The following ITPRID2 variants were observed in gnomAD, a reference collection of about 807,000 sequenced individuals.
ITPRID2 encodes the protein ITPR interacting domain containing 2, also known as protein ITPRID2.
Under a neutral mutation model 124.3 loss-of-function variants are expected in ITPRID2, and 60 were observed. The ratio of observed to expected loss-of-function variants is 0.48; its 90% CI spans 0.39 to 0.60. The LOEUF (loss-of-function observed/expected upper bound fraction) is 0.60. Ranked by LOEUF, ITPRID2 falls within the 20% of genes least tolerant of loss-of-function variation. The pLI is 0.00. For synonymous variants in ITPRID2, 521 were observed against 542.9 expected (o/e 0.96, Z 0.56); for missense variants, 1,553 against 1,512.2 (o/e 1.03, Z -0.45).
At chr2:181,918,294 T>G in intron 11 of ITPRID2, 1 of 1,121,754 alleles carries the variant, frequency 8.9e-7, no homozygotes, top group Non-Finnish European at 1.1e-6. Flanking sequence ...GCTTCTACAT[T>G]TTTGCGTTTT....
chr2:181,925,529 C>T (rs1383914477), intron 16 of ITPRID2, among the ~76,000 whole-genome samples: 1 of 152,098 alleles, frequency 6.6e-6, no homozygotes, highest in African/African-American at 2.4e-5. Context: ...CTGTAGTCTG[C>T]TTTCGTTTTT....
In ITPRID2 at chr2:181,902,172, T is replaced by C. The variant is rs1347881872; in HGVS notation, c.1119T>C (p.Asn373=). 2 of 1,613,798 alleles carry C rather than the reference T, an allele frequency of 1.2e-6. No homozygotes were observed. Among genetic ancestry groups the C allele is most frequent in the Non-Finnish European group, 1.7e-6 (2 of 1,179,778 alleles). ...GTAGTTCAGCAGCTGTTACGGAGAA[T>C]GCTGATAGTGATAGAATTTCTGATG... is the stretch of plus-strand genomic sequence containing the variant. ...VSGSSAAVTE[N]ADSDRISDEA... The change falls in exon 8 of 18, where the codon AAT becomes AAC. Residue 373 remains asparagine (N), a synonymous_variant. Transcript: ENST00000431877. This position sits in a 1 kb window ranked among gnomAD's most constrained non-coding sequence, Gnocchi z 4.4.
At chr2:181,928,965 T>C (rs1695077106) in intron 17 of ITPRID2, among the ~76,000 whole-genome samples, 1 of 152,146 alleles carries the variant, frequency 6.6e-6, no homozygotes, top group African/African-American at 2.4e-5. Context: ...CTAATTATTT[T>C]TATCTTTTAA....
At chr2:181,923,861 G>C (rs1388677639) in intron 16 of ITPRID2, among the ~76,000 whole-genome samples, 4 of 152,068 alleles carry the variant, frequency 2.6e-5, no homozygotes, top group African/African-American at 9.7e-5. Flanking sequence ...TAAGAATAAA[G>C]TGTTCATTTC....
chr2:181,923,317 G>C (rs1400209551), intron 16 of ITPRID2, among the ~76,000 whole-genome samples: 1 of 152,190 alleles, frequency 6.6e-6, no homozygotes, highest in Admixed American at 6.5e-5. Flanking sequence ...GAAATTTGCT[G>C]TATATGCAGT....
At chr2:181,899,453 C>G (rs1011324088) in intron 6 of ITPRID2, among the ~76,000 whole-genome samples, 1 of 152,080 alleles carries the variant, frequency 6.6e-6, no homozygotes, top group Non-Finnish European at 1.5e-5. Flanking sequence ...TGAGTTAACT[C>G]TGACACAAAA....
Position 181,892,732 on chromosome 2 carries a change from G to A in ITPRID2, c.257+72G>A. 1.3e-6 allele frequency: 2 copies of A among 1,582,032 alleles called. No individual in the cohort carries two copies. The highest frequency in any genetic ancestry group is 2.2e-5 in the East Asian group (1 of 44,522). On this transcript the variant is annotated intron_variant, in intron 2 of 17. Coordinates refer to ENST00000431877, the MANE Select transcript of ITPRID2 (RefSeq NM_001130445.3). This position sits in a 1 kb window ranked among gnomAD's most constrained non-coding sequence, Gnocchi z 5.2. ...ACGGGACGCCGGAGCAGAGCCACTC[G>A]GGCCGCGTCCCTGTGGGTCCCGCGA...
rs1692484482 is a variant in ITPRID2, at chr2:181,899,508, CT to C, written c.503+403del. The stretch of plus-strand genomic sequence containing the variant: ...AGTTACAGCTTGATATTTAAGCATA[CT>C]TTTTTTCAACACATTAAACCAAAGA... On this transcript the variant is annotated intron_variant, in intron 6 of 17. Coordinates refer to ENST00000431877, the MANE Select transcript of ITPRID2 (RefSeq NM_001130445.3). Among the ~76,000 whole-genome samples the C allele has an allele frequency of 2.0e-5, 3 of 152,098 alleles. No homozygotes were observed. In the South Asian group the frequency reaches 6.2e-4, roughly 32 times the overall value.
At position 181,919,836 on chromosome 2, in the gene ITPRID2, A is replaced by G. The variant is rs1269947117; in HGVS notation, c.3144+390A>G. 6.6e-6 allele frequency among the ~76,000 whole-genome samples: 1 copy of G among 152,094 alleles called. No homozygotes were observed. Among genetic ancestry groups the G allele is most frequent in the Non-Finnish European group, 1.5e-5 (1 of 68,002 alleles). On this transcript the variant is annotated intron_variant, in intron 14 of 17. Transcript: ENST00000431877. This position sits in a 1 kb window ranked among gnomAD's most constrained non-coding sequence, Gnocchi z 4.2. Reference sequence around the variant, plus strand: ...TTTTCTTTCATGCCTTTAAATAAAAAAGTGTTCCTTTTAAACTTTTTCTTT... The same window carrying G: ...TTTTCTTTCATGCCTTTAAATAAAAGAGTGTTCCTTTTAAACTTTTTCTTT...
rs754502061 is a variant in ITPRID2 at position 181,892,266 on chromosome 2, C to T, written c.200C>T (p.Ala67Val). ...EDLPGAQLPA[A>V]GGRGNVPNEK... ...CTCCCCGGCGCGCAGCTGCCGGCAG[C>T]GGGGGGAAGAGGTCGGTGCTCCCGG... The change falls in exon 1 of 18, where the codon GCG becomes GTG. Residue 67 changes from alanine (A) to valine (V), a missense_variant. Ala to Val is a moderately conservative substitution (Grantham distance 64). Transcript: ENST00000431877. This position sits in a 1 kb window ranked among gnomAD's most constrained non-coding sequence, Gnocchi z 5.2. 1.3e-6 allele frequency: 2 copies of T among 1,547,426 alleles called. No individual in the cohort carries two copies. The highest frequency in any genetic ancestry group is 2.4e-5 in the South Asian group (2 of 83,924).
Position 181,892,252 on chromosome 2 carries a change from G to T in ITPRID2, c.186G>T (p.Ala62=), listed in dbSNP as rs370909929. Residue 62 remains alanine, a synonymous_variant, in exon 1 of 18, where the codon GCG becomes GCT. Transcript: ENST00000431877. This position sits in a 1 kb window ranked among gnomAD's most constrained non-coding sequence, Gnocchi z 5.2. ...EEDEEEDLPG[A]QLPAAGGRGN... ...ACGAGGAGGAGGACCTCCCCGGCGCGCAGCTGCCGGCAGCGGGGGGAAGAG... is the reference window on the plus strand; with the variant it reads ...ACGAGGAGGAGGACCTCCCCGGCGCTCAGCTGCCGGCAGCGGGGGGAAGAG... 10 of 1,548,244 alleles carry T rather than the reference G, an allele frequency of 6.5e-6. No individual in the cohort carries two copies. In the African/African-American group the frequency reaches 8.2e-5, roughly 13 times the overall value.
rs1693228296 is a variant in ITPRID2 at position 181,907,427 on chromosome 2, T to C, written c.1414-2472T>C. ...CCCAAAACATTGAGACCATGCAATTTTATCACTTTGGTTTAGTGGTTTTTT... is the reference window on the plus strand; with the variant it reads ...CCCAAAACATTGAGACCATGCAATTCTATCACTTTGGTTTAGTGGTTTTTT... On this transcript the variant is annotated intron_variant, in intron 8 of 17. Transcript: ENST00000431877. This position sits in a 1 kb window ranked among gnomAD's most constrained non-coding sequence, Gnocchi z 5.1. 6.9e-6 allele frequency among the ~76,000 whole-genome samples: 1 copy of C among 145,268 alleles called. No homozygotes were observed.
rs1009182673 is a variant in ITPRID2 at position 181,913,716 on chromosome 2, A to G, written c.1487-129A>G. 6 of 597,372 alleles carry G rather than the reference A, an allele frequency of 1.0e-5. No individual in the cohort carries two copies. In the African/African-American group the frequency reaches 1.1e-4, roughly 11 times the overall value. 37.0% of individuals were successfully genotyped at this position (597,372 alleles called of 1,614,324 possible). A position where few individuals can be genotyped will look rare whatever the true frequency, so the allele number is the denominator to read the frequency against. ...ATGCATATTTTTCTAAGAAGCAGTC[A>G]AATATTGTGTATCTTATATCTGCTG... On this transcript the variant is annotated intron_variant, in intron 9 of 17. Coordinates refer to ENST00000431877, the MANE Select transcript of ITPRID2 (RefSeq NM_001130445.3).
intron 17 of ITPRID2, among the ~76,000 whole-genome samples, chr2:181,928,480 A>G (rs1695028899): frequency 6.6e-6 from 1 of 152,194 alleles, no homozygotes; most frequent in South Asian, 2.1e-4. Context: ...ATCTCCAAGG[A>G]ATTACTTATA....
chr2:181,892,499 G>A lies in ITPRID2; in HGVS notation c.212-116G>A, dbSNP rs1027095527. 4 of 1,350,286 alleles carry A rather than the reference G, an allele frequency of 3.0e-6. No homozygotes were observed. Among genetic ancestry groups the A allele is most frequent in the Non-Finnish European group, 4.2e-6 (4 of 948,576 alleles). 83.6% of individuals were successfully genotyped at this position (1,350,286 alleles called of 1,614,324 possible). On this transcript the variant is annotated intron_variant, in intron 1 of 17. Transcript: ENST00000431877. This position sits in a 1 kb window ranked among gnomAD's most constrained non-coding sequence, Gnocchi z 5.2. ...TTTCCCTGCCAAGGGACACTGAGAC[G>A]TGTCGCTTAGGCTGCATTTGCCGTG...
chr2:181,924,629 G>A (rs1273181598), intron 16 of ITPRID2, among the ~76,000 whole-genome samples: 1 of 152,110 alleles, frequency 6.6e-6, no homozygotes, highest in Non-Finnish European at 1.5e-5. Flanking sequence ...TGAAAACAAT[G>A]GTATCTGTCA....
intron 15 of ITPRID2, 25 bp from the exon 16 acceptor site, chr2:181,921,923 A>G (rs1323306715): frequency 1.9e-6 from 3 of 1,589,858 alleles, no homozygotes; most frequent in Non-Finnish European, 2.6e-6. Flanking sequence ...AAGAGAGAAG[A>G]ATAACATTTT....
rs1693482827 is a variant in ITPRID2 at position 181,910,104 on chromosome 2, A to T, written c.1486+133A>T. The T allele has an allele frequency of 1.7e-6, 1 of 597,474 alleles. No homozygotes were observed. Among genetic ancestry groups the T allele is most frequent in the African/African-American group, 1.9e-5 (1 of 52,288 alleles). The allele number at this position is 597,474 out of a possible 1,614,324, so 37.0% of individuals were successfully genotyped here. A position where few individuals can be genotyped will look rare whatever the true frequency, so the allele number is the denominator to read the frequency against. On this transcript the variant is annotated intron_variant, in intron 9 of 17. Transcript: ENST00000431877. This position sits in a 1 kb window ranked among gnomAD's most constrained non-coding sequence, Gnocchi z 4.1. ...CAAAGAACACACACAGGTAGGCATGATTCACTATTGTTTGTAGAACTTTTT... is the reference window on the plus strand; with the variant it reads ...CAAAGAACACACACAGGTAGGCATGTTTCACTATTGTTTGTAGAACTTTTT...
intron 8 of ITPRID2, among the ~76,000 whole-genome samples, chr2:181,904,552 T>A (rs934623139): frequency 1.3e-5 from 2 of 152,202 alleles, no homozygotes; most frequent in African/African-American, 4.8e-5. Context: ...TTGAATCATA[T>A]TGACAAATGA....
Sources: gnomAD v4.1 joint callset for allele counts (sites outside exome capture counted in the v4.1 genomes callset) on GRCh38, gnomAD v4.1.1 for gene constraint, Gnocchi (gnomAD v3.1) non-coding constraint, MANE v1.5 for transcripts, NCBI Gene and HGNC (gene_info 2026-07-23, HGNC 2026-07-21) for gene names.